LARGE1: variants seen among roughly 807,000 people sequenced by gnomAD.
LARGE1 encodes the protein xylosyl- and glucuronyltransferase LARGE1.
A neutral mutation model predicts 87.6 loss-of-function variants in LARGE1; 43 were observed. The observed-to-expected ratio is 0.49, with a 90% CI of 0.38 to 0.63. The LOEUF (loss-of-function observed/expected upper bound fraction) is 0.63. LARGE1 is among the 30% of genes least tolerant of loss of function. The pLI, the probability that LARGE1 is intolerant of heterozygous loss-of-function variation, is 0.00. For synonymous variants in LARGE1, 434 were observed against 394.6 expected (o/e 1.10, Z -1.18); for missense variants, 802 against 1,000.2 (o/e 0.80, Z 2.67).
At chr22:33,790,489 C>T (rs1171733427) in intron 1 of LARGE1, among the ~76,000 whole-genome samples, 1 of 152,050 alleles carries the variant, frequency 6.6e-6, no homozygotes, top group Admixed American at 6.5e-5. Flanking sequence ...TTCTTTAAGT[C>T]CAAAATATTT....
chr22:33,350,093 A>G (rs903625359), intron 9 of LARGE1, among the ~76,000 whole-genome samples: 2 of 152,224 alleles, frequency 1.3e-5, no homozygotes, highest in Non-Finnish European at 2.9e-5. Context: ...GGACAACAGG[A>G]AAATGAAGAC....
chr22:33,498,149 T>C (rs1214767297), intron 6 of LARGE1, among the ~76,000 whole-genome samples: 1 of 152,138 alleles, frequency 6.6e-6, no homozygotes, highest in Non-Finnish European at 1.5e-5. Flanking sequence ...CCTCCCAAAA[T>C]GCTGGGATTA....
chr22:33,603,644 C>CA (rs2079168919), intron 5 of LARGE1, among the ~76,000 whole-genome samples: 1 of 152,118 alleles, frequency 6.6e-6, no homozygotes, highest in East Asian at 1.9e-4. Context: ...AGCAAAGACT[C>CA]AAACACAGAA....
At chr22:33,735,907 A>G (rs1423623808) in intron 2 of LARGE1, among the ~76,000 whole-genome samples, 1 of 152,352 alleles carries the variant, frequency 6.6e-6, no homozygotes, top group East Asian at 1.9e-4. Context: ...GGCCTTTGGT[A>G]TCTGGCTTCT....
chr22:33,713,982 GTAACATAACATAACATAACATAACA>G (rs71187278), intron 2 of LARGE1, among the ~76,000 whole-genome samples: 4 of 126,150 alleles, frequency 3.2e-5, no homozygotes, highest in African/African-American at 9.0e-5. Flanking sequence ...GTAACATAAC[GTAACATAACATAACATAACATAACA>G]TAACATAACA....
chr22:33,764,682 C>T (rs768677615), intron 1 of LARGE1, among the ~76,000 whole-genome samples: 16 of 152,198 alleles, frequency 1.1e-4, no homozygotes, highest in South Asian at 6.2e-4. Flanking sequence ...CACTGGAACC[C>T]GGGAGGCGGA....
intron 1 of LARGE1, among the ~76,000 whole-genome samples, chr22:33,855,904 TTTA>T (rs2146544466): frequency 6.6e-6 from 1 of 152,288 alleles, no homozygotes; most frequent in South Asian, 2.1e-4. Flanking sequence ...ATGCCCCCTT[TTTA>T]TTAAGACAAA....
chr22:33,547,333 C>T (rs907249458), intron 6 of LARGE1, among the ~76,000 whole-genome samples: 15 of 146,376 alleles, frequency 1.0e-4, no homozygotes, highest in African/African-American at 3.7e-4. Flanking sequence ...AGATCCCTCG[C>T]ATGCGCAGTT....
intron 1 of LARGE1, among the ~76,000 whole-genome samples, chr22:33,882,400 G>A (rs1258900114): frequency 6.6e-6 from 1 of 152,160 alleles, no homozygotes; most frequent in Non-Finnish European, 1.5e-5. Context: ...TGTGTTTCAA[G>A]TCAGTGCAGA....
At chr22:33,193,345 CAAAA>C (rs1417994985) in intron 11 of LARGE1, among the ~76,000 whole-genome samples, 1 of 151,414 alleles carries the variant, frequency 6.6e-6, no homozygotes, top group African/African-American at 2.4e-5. Context: ...TTGAGAAAAG[CAAAA>C]AGAGAGACAG....
intron 4 of LARGE1, among the ~76,000 whole-genome samples, chr22:33,613,057 C>T (rs957599774): frequency 2.0e-5 from 3 of 152,180 alleles, no homozygotes; most frequent in Non-Finnish European, 4.4e-5. Flanking sequence ...GTTTCATTAG[C>T]TTGCCTGAGA....
At chr22:33,335,337 G>A (rs2146539631) in intron 10 of LARGE1, among the ~76,000 whole-genome samples, 1 of 152,276 alleles carries the variant, frequency 6.6e-6, no homozygotes, top group Middle Eastern at 3.4e-3. Context: ...GCGAAGGAGG[G>A]CAGATGCTGA....
chr22:33,337,304 G>T (rs1953339572), intron 10 of LARGE1, among the ~76,000 whole-genome samples: 1 of 152,100 alleles, frequency 6.6e-6, no homozygotes. Flanking sequence ...TCCCATGTGG[G>T]TATCATGTCC....
At chr22:33,100,763 G>A in the LARGE1 span, among the ~76,000 whole-genome samples, 1 of 152,262 alleles carries the variant, frequency 6.6e-6, no homozygotes, top group South Asian at 2.1e-4. Flanking sequence ...TTAGTAGCAA[G>A]AGCTCAGAGA....
At chr22:33,159,981 A>G (rs1408278524), downstream of LARGE1, among the ~76,000 whole-genome samples, 1 of 151,754 alleles carries the variant, frequency 6.6e-6, no homozygotes, top group Non-Finnish European at 1.5e-5. Context: ...AAAATAACTT[A>G]TGCACTTAGC....
intron 9 of LARGE1, among the ~76,000 whole-genome samples, chr22:33,355,034 T>G (rs1940761160): frequency 6.6e-6 from 1 of 152,244 alleles, no homozygotes; most frequent in South Asian, 2.1e-4. Context: ...AGTGTATTCA[T>G]GTACCACAGT....
At chr22:33,825,548 C>G (rs2062757464) in intron 1 of LARGE1, among the ~76,000 whole-genome samples, 1 of 151,902 alleles carries the variant, frequency 6.6e-6, no homozygotes, top group African/African-American at 2.4e-5. Flanking sequence ...AAACGCTGAC[C>G]AAAAGGAGGG....
chr22:33,196,903 G>C (rs1037249528), intron 11 of LARGE1, among the ~76,000 whole-genome samples: 1 of 152,062 alleles, frequency 6.6e-6, no homozygotes, highest in African/African-American at 2.4e-5. Flanking sequence ...CTCATGACTA[G>C]CATAATGTAA....
At chr22:33,397,827 G>A (rs1284432270) in intron 7 of LARGE1, among the ~76,000 whole-genome samples, 1 of 152,144 alleles carries the variant, frequency 6.6e-6, no homozygotes, top group Admixed American at 6.5e-5. Flanking sequence ...TGCATTTTAG[G>A]CATTCGGTTA....
Sources: gnomAD v4.1 joint callset for allele counts (sites outside exome capture counted in the v4.1 genomes callset) on GRCh38, gnomAD v4.1.1 for gene constraint, MANE v1.5 for transcripts, NCBI Gene and HGNC (gene_info 2026-07-23, HGNC 2026-07-21) for gene names.